Variants in PTCHD4 observed in about 807,000 individuals in gnomAD.
The protein encoded by PTCHD4 is patched domain-containing protein 4.
PTCHD4 carries 33 observed loss-of-function variants against 58.1 expected under a neutral mutation model. That is an observed-to-expected ratio of 0.57 (90% CI 0.43 to 0.76). The LOEUF (loss-of-function observed/expected upper bound fraction) is 0.76, where lower values mean the gene tolerates loss of function less well. PTCHD4 is among the 30% of genes least tolerant of loss of function. The pLI is 0.00. For missense variants in PTCHD4, 1,058 were observed against 1,027.1 expected (o/e 1.03, Z -0.41); for synonymous variants, 478 against 409.6 (o/e 1.17, Z -2.02).
At chr6:47,987,136 C>T (rs945893135) in intron 4 of PTCHD4, among the ~76,000 whole-genome samples, 1 of 150,840 alleles carries the variant, frequency 6.6e-6, no homozygotes, top group Admixed American at 6.6e-5. Flanking sequence ...TAGGAAATTA[C>T]ATGAAGAGAA....
intron 1 of PTCHD4, among the ~76,000 whole-genome samples, chr6:48,078,698 TTCTC>T (rs891128700): frequency 5.3e-5 from 8 of 152,318 alleles, no homozygotes; most frequent in African/African-American, 1.4e-4. Flanking sequence ...TTTTTTACCT[TTCTC>T]TCAGCAGAAA....
chr6:48,067,553 A>G (rs1562036434), intron 3 of PTCHD4, among the ~76,000 whole-genome samples: 2 of 152,170 alleles, frequency 1.3e-5, no homozygotes, highest in African/African-American at 4.8e-5. Flanking sequence ...TACTACATTC[A>G]TAACTCACTG....
chr6:47,901,317 T>A (rs1234397973), intron 4 of PTCHD4: 4 of 453,424 alleles, frequency 8.8e-6, no homozygotes, highest in Admixed American at 6.4e-5. Context: ...TCCTTCCTTG[T>A]GATGTTTTTG....
chr6:48,011,630 G>C (rs1762679791), intron 3 of PTCHD4, among the ~76,000 whole-genome samples: 3 of 152,064 alleles, frequency 2.0e-5, no homozygotes, highest in Admixed American at 2.0e-4. Context: ...TGGTGTTTTA[G>C]TCATGAGGTC....
rs1314578731 is a variant in PTCHD4, at chr6:47,862,949, G to A, written c.*15354C>T. On this transcript the variant is annotated 3_prime_UTR_variant, in exon 5 of 5. Coordinates refer to ENST00000339488, the MANE Select transcript of PTCHD4 (RefSeq NM_001384253.1). Reference sequence around the variant, plus strand: ...AATCAAATACTGTCTTTATGCTACTGGAACATTAATTTCACACATTGAGGG... The same window carrying A: ...AATCAAATACTGTCTTTATGCTACTAGAACATTAATTTCACACATTGAGGG... Among the ~76,000 whole-genome samples, 1 of 151,834 alleles carries A rather than the reference G, an allele frequency of 6.6e-6. No individual in the cohort carries two copies. The highest frequency in any genetic ancestry group is 2.4e-5 in the African/African-American group (1 of 41,410).
chr6:48,073,862 C>A (rs750116432), intron 1 of PTCHD4, among the ~76,000 whole-genome samples: 1 of 152,246 alleles, frequency 6.6e-6, no homozygotes, highest in Middle Eastern at 3.4e-3. Flanking sequence ...GAAAAAAATG[C>A]AGTTTAACTT....
At chr6:48,076,203 GA>G (rs1765062119) in intron 1 of PTCHD4, among the ~76,000 whole-genome samples, 1 of 152,092 alleles carries the variant, frequency 6.6e-6, no homozygotes, top group African/African-American at 2.4e-5. Context: ...ATTTTATTTT[GA>G]AATTGCAGCA....
chr6:48,011,403 C>T (rs1762667470), intron 3 of PTCHD4, among the ~76,000 whole-genome samples: 2 of 150,364 alleles, frequency 1.3e-5, no homozygotes, highest in Admixed American at 6.6e-5. Flanking sequence ...TGCTCATATC[C>T]TTTGCCCACC....
In PTCHD4 at chr6:47,859,249, T is replaced by G. The variant is rs1160605507; in HGVS notation, c.*19054A>C. On this transcript the variant is annotated 3_prime_UTR_variant, in exon 5 of 5. Transcript: ENST00000339488. ...GCTGCCATGATAATCTTTCACTTGTTCAGCAGTATTTCTTTTTCTTTCCAT... is the reference window on the plus strand; with the variant it reads ...GCTGCCATGATAATCTTTCACTTGTGCAGCAGTATTTCTTTTTCTTTCCAT... 2.0e-5 allele frequency among the ~76,000 whole-genome samples: 3 copies of G among 152,010 alleles called. No homozygotes were observed. The highest frequency in any genetic ancestry group is 7.2e-5 in the African/African-American group (3 of 41,422).
intron 4 of PTCHD4, among the ~76,000 whole-genome samples, chr6:47,915,405 C>G (rs1419888365): frequency 6.6e-6 from 1 of 152,070 alleles, no homozygotes; most frequent in Admixed American, 6.6e-5. Context: ...GAGATCGCTT[C>G]AAGATGCTGA....
At chr6:48,033,023 A>T (rs1001254329) in intron 3 of PTCHD4, among the ~76,000 whole-genome samples, 2 of 152,158 alleles carry the variant, frequency 1.3e-5, no homozygotes, top group Non-Finnish European at 2.9e-5. Context: ...CTTATCAGCT[A>T]AAAATATTTT....
chr6:48,059,167 A>G (rs1327718230), intron 3 of PTCHD4, among the ~76,000 whole-genome samples: 1 of 152,192 alleles, frequency 6.6e-6, no homozygotes, highest in Non-Finnish European at 1.5e-5. Context: ...GTCACTCGGG[A>G]GCTTGCTTGA....
chr6:47,974,994 T>A (rs544332600), intron 4 of PTCHD4, among the ~76,000 whole-genome samples: 7 of 152,194 alleles, frequency 4.6e-5, no homozygotes, highest in African/African-American at 1.7e-4. Flanking sequence ...GATTCCATGG[T>A]AAAACAAACA....
chr6:47,900,342 T>C (rs1764658578), intron 4 of PTCHD4: 1 of 152,258 alleles, frequency 6.6e-6, no homozygotes. Context: ...GTGCTCAATG[T>C]GGTTTTGATT....
At chr6:47,969,402 C>T (rs1249991520) in intron 4 of PTCHD4, among the ~76,000 whole-genome samples, 1 of 152,166 alleles carries the variant, frequency 6.6e-6, no homozygotes, top group Non-Finnish European at 1.5e-5. Flanking sequence ...TATCTAACAC[C>T]AGCAGGCATC....
intron 1 of PTCHD4, among the ~76,000 whole-genome samples, chr6:48,107,399 T>C (rs994436897): frequency 6.6e-6 from 1 of 152,246 alleles, no homozygotes; most frequent in Non-Finnish European, 1.5e-5. Context: ...GCTAGCCATA[T>C]GTAGAAAGCT....
At chr6:48,110,554 T>G (rs556624098) in intron 1 of PTCHD4, among the ~76,000 whole-genome samples, 1 of 151,700 alleles carries the variant, frequency 6.6e-6, no homozygotes, top group South Asian at 2.1e-4. Context: ...AGAGATCAAA[T>G]GTATAGCATC....
chr6:48,017,029 T>C (rs1451858086), intron 3 of PTCHD4, among the ~76,000 whole-genome samples: 1 of 152,220 alleles, frequency 6.6e-6, no homozygotes, highest in Non-Finnish European at 1.5e-5. Flanking sequence ...AAGTTTTAGA[T>C]GGTTAGTTGT....
At chr6:47,924,544 A>G (rs897375408) in intron 4 of PTCHD4, among the ~76,000 whole-genome samples, 2 of 152,104 alleles carry the variant, frequency 1.3e-5, no homozygotes, top group African/African-American at 2.4e-5. Flanking sequence ...TCTCATTTGT[A>G]AAATGAGGAA....
Sources: gnomAD v4.1 joint callset for allele counts (sites outside exome capture counted in the v4.1 genomes callset) on GRCh38, gnomAD v4.1.1 for gene constraint, MANE v1.5 for transcripts, NCBI Gene and HGNC (gene_info 2026-07-23, HGNC 2026-07-21) for gene names.